The following ZNRF2 variants were observed in gnomAD, a reference collection of about 807,000 sequenced individuals.
ZNRF2 encodes the protein E3 ubiquitin-protein ligase ZNRF2.
In ZNRF2, 16 loss-of-function variants were observed where a neutral mutation model predicts 20.4. That is an observed-to-expected ratio of 0.79 (90% confidence interval 0.53 to 1.19). ZNRF2 has a LOEUF of 1.19. Ranked by LOEUF, ZNRF2 falls within the 50% of genes most tolerant of loss-of-function variation. The probability of loss-of-function intolerance (pLI) is 0.00; values close to 1 mark genes in which losing one functional copy is unlikely to be tolerated. For missense variants in ZNRF2, 363 were observed against 332.4 expected, an observed-to-expected ratio of 1.09 and a Z score of -0.72; for synonymous variants, 178 against 144.9, an observed-to-expected ratio of 1.23 and a Z score of -1.64.
chr7:30,341,212 C>T (rs1393902017), intron 2 of ZNRF2, among the ~76,000 whole-genome samples: 2 of 151,620 alleles, frequency 1.3e-5, no homozygotes, highest in African/African-American at 2.4e-5. Context: ...TTTTTGGAAG[C>T]GTTTTTTGTG....
chr7:30,359,904 G>A (rs548921905), intron 3 of ZNRF2, among the ~76,000 whole-genome samples: 183 of 152,266 alleles, frequency 1.2e-3, no homozygotes, highest in African/African-American at 4.2e-3. Flanking sequence ...TTTGTGGAAA[G>A]CAGTGTTTAT....
intron 4 of ZNRF2, among the ~76,000 whole-genome samples, chr7:30,365,376 A>G (rs1288981326): frequency 6.6e-6 from 1 of 152,066 alleles, no homozygotes; most frequent in Non-Finnish European, 1.5e-5. Context: ...GTTTTCGAAT[A>G]TAGAACCTGA....
chr7:30,308,813 G>A (rs1799247998), intron 1 of ZNRF2, among the ~76,000 whole-genome samples: 1 of 151,896 alleles, frequency 6.6e-6, no homozygotes, highest in African/African-American at 2.4e-5. Context: ...AATTAGAATT[G>A]AATTTTGGCT....
At chr7:30,337,065 C>A (rs1799727892) in intron 2 of ZNRF2, among the ~76,000 whole-genome samples, 1 of 152,044 alleles carries the variant, frequency 6.6e-6, no homozygotes, top group Admixed American at 6.6e-5. Flanking sequence ...GTGGTTTTAT[C>A]AATTTTTTCT....
chr7:30,367,335 C>T lies in ZNRF2; in HGVS notation c.*1323C>T, dbSNP rs551634126. Reference sequence around the variant, plus strand: ...TGGTTAAAAATACTGGAAGAGTTGTCAGGGCTACAATAGTGAATGTCCTTT... The same window carrying T: ...TGGTTAAAAATACTGGAAGAGTTGTTAGGGCTACAATAGTGAATGTCCTTT... On this transcript the variant is annotated 3_prime_UTR_variant, in exon 5 of 5. Transcript: ENST00000323037. 1.3e-5 allele frequency: 2 copies of T among 152,272 alleles called. No individual in the cohort carries two copies. The highest frequency in any genetic ancestry group is 2.9e-5 in the Non-Finnish European group (2 of 67,858). 9.4% of individuals were successfully genotyped at this position (152,272 alleles called of 1,614,324 possible).
At chr7:30,339,353 T>C (rs1374700638) in intron 2 of ZNRF2, among the ~76,000 whole-genome samples, 1 of 152,150 alleles carries the variant, frequency 6.6e-6, no homozygotes, top group Non-Finnish European at 1.5e-5. Flanking sequence ...ATGCCGATGT[T>C]CTGAATGGTA....
chr7:30,353,754 TTGG>T (rs1261739726), intron 2 of ZNRF2, among the ~76,000 whole-genome samples: 7 of 152,096 alleles, frequency 4.6e-5, no homozygotes, highest in African/African-American at 1.7e-4. Context: ...TTTTTTTTAC[TTGG>T]TGGTATATAA....
intron 1 of ZNRF2, among the ~76,000 whole-genome samples, chr7:30,319,681 C>G (rs1050729137): frequency 6.6e-6 from 1 of 152,094 alleles, no homozygotes; most frequent in African/African-American, 2.4e-5. Context: ...GAGAAAGATT[C>G]CTGGAGAAAG....
intron 3 of ZNRF2, among the ~76,000 whole-genome samples, chr7:30,361,152 G>A (rs778821967): frequency 1.3e-5 from 2 of 152,182 alleles, no homozygotes; most frequent in Non-Finnish European, 2.9e-5. Flanking sequence ...CACATCTGGA[G>A]TATTTTATTT....
chr7:30,361,484 A>G (rs901416755), intron 3 of ZNRF2, among the ~76,000 whole-genome samples: 4 of 152,240 alleles, frequency 2.6e-5, no homozygotes, highest in Non-Finnish European at 5.9e-5. Flanking sequence ...AATTTGAAAT[A>G]TGTCACCAAT....
rs918544448 is a variant in ZNRF2, at chr7:30,285,861, C to T, written c.469+35C>T. The T allele has an allele frequency of 3.5e-6, 5 of 1,426,006 alleles. No individual in the cohort carries two copies. The African/African-American group carries it at 6.0e-5, about 17-fold the overall frequency. The allele number at this position is 1,426,006 out of a possible 1,614,324, so 88.3% of individuals were successfully genotyped here. A position where few individuals can be genotyped will look rare whatever the true frequency, so the allele number is the denominator to read the frequency against. On this transcript the variant is annotated intron_variant, in intron 1 of 4. Coordinates refer to ENST00000323037, the MANE Select transcript of ZNRF2 (RefSeq NM_147128.4). Reference sequence around the variant, plus strand: ...CCTCTCCGCGCACCCGCGCTCGGTCCTCCCGCGGCTGCACGTGGGCCGTGG... The same window carrying T: ...CCTCTCCGCGCACCCGCGCTCGGTCTTCCCGCGGCTGCACGTGGGCCGTGG...
At chr7:30,317,041 C>T (rs1003040835) in intron 1 of ZNRF2, among the ~76,000 whole-genome samples, 10 of 151,780 alleles carry the variant, frequency 6.6e-5, no homozygotes, top group South Asian at 4.2e-4. Context: ...TACCTTTGAA[C>T]GGAATTTGAA....
chr7:30,308,189 T>C (rs192720560), intron 1 of ZNRF2, among the ~76,000 whole-genome samples: 1 of 152,322 alleles, frequency 6.6e-6, no homozygotes, highest in Admixed American at 6.5e-5. Flanking sequence ...TCATACTCTT[T>C]TTTGGGTCTT....
At chr7:30,341,560 T>G (rs746614465) in intron 2 of ZNRF2, among the ~76,000 whole-genome samples, 11 of 152,226 alleles carry the variant, frequency 7.2e-5, no homozygotes, top group Non-Finnish European at 1.5e-4. Context: ...TGAGTTCTAA[T>G]TTGATTGCCC....
At chr7:30,361,485 T>C (rs1183947963) in intron 3 of ZNRF2, among the ~76,000 whole-genome samples, 1 of 152,232 alleles carries the variant, frequency 6.6e-6, no homozygotes, top group African/African-American at 2.4e-5. Flanking sequence ...ATTTGAAATA[T>C]GTCACCAATG....
At position 30,285,567 on chromosome 7, in the gene ZNRF2, GGCCCCGGCA is replaced by G. The variant is rs982211237; in HGVS notation, c.219_227del (p.Ala76_Pro78del). 1.6e-4 allele frequency: 161 copies of G among 978,368 alleles called. No individual in the cohort carries two copies. In the East Asian group the frequency reaches 2.9e-3, roughly 18 times the overall value. The allele number at this position is 978,368 out of a possible 1,614,324, so 60.6% of individuals were successfully genotyped here. ...CCGGCGGCGCCGCGGCGGCCGCGGC[GGCCCCGGCA>G]GCCCCGGCGGCCCCGCGCAGCCGCT... On this transcript the variant is annotated inframe_deletion, in exon 1 of 5. Transcript: ENST00000323037.
At chr7:30,303,263 C>CAA (rs747523201) in intron 1 of ZNRF2, among the ~76,000 whole-genome samples, 12 of 107,054 alleles carry the variant, frequency 1.1e-4, no homozygotes, top group Admixed American at 2.9e-4. Flanking sequence ...GATCCTGTCT[C>CAA]AAAAAAAAAA....
chr7:30,336,328 C>A (rs77101963), intron 2 of ZNRF2, among the ~76,000 whole-genome samples: 215 of 149,546 alleles, frequency 1.4e-3, no homozygotes, highest in Non-Finnish European at 2.1e-3. Context: ...TCTTCTCAGC[C>A]ACTGAGTAGT....
intron 1 of ZNRF2, among the ~76,000 whole-genome samples, chr7:30,306,443 C>A (rs758726979): frequency 6.6e-6 from 1 of 152,048 alleles, no homozygotes; most frequent in African/African-American, 2.4e-5. Flanking sequence ...GAAACAAAGT[C>A]AGGAAGAATA....
Sources: gnomAD v4.1 joint callset for allele counts (sites outside exome capture counted in the v4.1 genomes callset) on GRCh38, gnomAD v4.1.1 for gene constraint, MANE v1.5 for transcripts, NCBI Gene and HGNC (gene_info 2026-07-23, HGNC 2026-07-21) for gene names.